Variants in XKR4 observed in about 807,000 individuals in gnomAD.
XKR4 encodes the protein XK related 4.
Under a neutral mutation model 53.9 loss-of-function variants are expected in XKR4, and 12 were observed. That is an observed-to-expected ratio of 0.22 (90% confidence interval 0.14 to 0.36). The LOEUF is 0.36. XKR4 is among the 10% of genes least tolerant of loss of function. XKR4 has a pLI of 1.00. For synonymous variants in XKR4, 354 were observed against 362.4 expected (o/e 0.98, Z 0.26); for missense variants, 799 against 859.5 (o/e 0.93, Z 0.88).
intron 1 of XKR4, among the ~76,000 whole-genome samples, chr8:55,129,128 A>G (rs1293266673): frequency 1.3e-5 from 2 of 152,224 alleles, no homozygotes; most frequent in Non-Finnish European, 2.9e-5. Context: ...AGTTTTTGAG[A>G]CAGCACGAAC....
intron 1 of XKR4, among the ~76,000 whole-genome samples, chr8:55,120,216 A>G (rs1816371932): frequency 6.6e-6 from 1 of 152,140 alleles, no homozygotes; most frequent in African/African-American, 2.4e-5. Flanking sequence ...CCATTCATTC[A>G]TGGGTTTCTT....
At chr8:55,218,593 T>G (rs1817836581) in intron 1 of XKR4, among the ~76,000 whole-genome samples, 1 of 152,188 alleles carries the variant, frequency 6.6e-6, no homozygotes, top group Non-Finnish European at 1.5e-5. Context: ...ATAGGAAGAT[T>G]TTTACATCTA....
chr8:55,346,167 C>A (rs1803637449), intron 1 of XKR4, among the ~76,000 whole-genome samples: 1 of 151,410 alleles, frequency 6.6e-6, no homozygotes, highest in East Asian at 1.9e-4. Flanking sequence ...CTCACTGCAA[C>A]CTCCACCTCC....
rs1816057098 is a variant in XKR4, at chr8:55,102,427, A to G, written c.-62A>G. 25 of 1,488,116 alleles carry G rather than the reference A, an allele frequency of 1.7e-5. No individual in the cohort carries two copies. Among genetic ancestry groups the G allele is most frequent in the Non-Finnish European group, 2.3e-5 (25 of 1,109,708 alleles). 92.2% of individuals were successfully genotyped at this position (1,488,116 alleles called of 1,614,324 possible). A position where few individuals can be genotyped will look rare whatever the true frequency, so the allele number is the denominator to read the frequency against. On this transcript the variant is annotated 5_prime_UTR_variant, in exon 1 of 3. Transcript: ENST00000327381. This position sits in a 1 kb window ranked among gnomAD's most constrained non-coding sequence, Gnocchi z 5.1. ...CGGGGCGAGGCGAGGAGGTGGCGGG[A>G]GGAGGAGACAGCGGGGAAAGGTGTC...
intron 2 of XKR4, among the ~76,000 whole-genome samples, chr8:55,495,241 G>A (rs981029940): frequency 2.0e-5 from 3 of 152,194 alleles, no homozygotes; most frequent in Non-Finnish European, 4.4e-5. Flanking sequence ...GAGAAGCCAG[G>A]CAGTGAGAGC....
At chr8:55,472,117 A>G (rs538779816) in intron 2 of XKR4, among the ~76,000 whole-genome samples, 58 of 152,276 alleles carry the variant, frequency 3.8e-4, no homozygotes, top group African/African-American at 1.3e-3. Flanking sequence ...GGGACATTCG[A>G]GTATCATGAT....
chr8:55,313,780 G>A (rs766370498), intron 1 of XKR4, among the ~76,000 whole-genome samples: 8 of 152,164 alleles, frequency 5.3e-5, no homozygotes, highest in Non-Finnish European at 1.0e-4. Flanking sequence ...ATCTTCTCAT[G>A]CTGGGGTTTT....
chr8:55,465,957 G>A (rs1442379137), intron 2 of XKR4, among the ~76,000 whole-genome samples: 5 of 152,086 alleles, frequency 3.3e-5, no homozygotes, highest in Non-Finnish European at 7.4e-5. Context: ...ACACCAGTTA[G>A]AATGGTGATC....
At chr8:55,191,004 G>A (rs1164150392) in intron 1 of XKR4, among the ~76,000 whole-genome samples, 2 of 152,160 alleles carry the variant, frequency 1.3e-5, no homozygotes, top group South Asian at 2.1e-4. Flanking sequence ...ACTAAAATGA[G>A]CCAGAACCAG....
chr8:55,209,393 C>G (rs187567668), intron 1 of XKR4, among the ~76,000 whole-genome samples: 70 of 152,326 alleles, frequency 4.6e-4, no homozygotes, highest in Admixed American at 2.7e-3. Context: ...GAGTCTCACC[C>G]TAGCTAGTGA....
At chr8:55,329,617 T>C (rs1457384329) in intron 1 of XKR4, among the ~76,000 whole-genome samples, 6 of 152,232 alleles carry the variant, frequency 3.9e-5, no homozygotes, top group Admixed American at 2.0e-4. Context: ...TCTAAATACC[T>C]AGTTCTTGTT....
intron 2 of XKR4, chr8:55,449,822 C>A: frequency 8.4e-7 from 1 of 1,188,598 alleles, no homozygotes; most frequent in East Asian, 2.3e-5. Flanking sequence ...GTACAGAGTG[C>A]CCTCGTAGGA....
In XKR4 at chr8:55,524,291, A is replaced by G; in HGVS notation, c.*64A>G. The G allele has an allele frequency of 1.4e-6, 2 of 1,475,846 alleles. No individual in the cohort carries two copies. Among genetic ancestry groups the G allele is most frequent in the Non-Finnish European group, 1.9e-6 (2 of 1,081,018 alleles). 91.4% of individuals were successfully genotyped at this position (1,475,846 alleles called of 1,614,324 possible). A position where few individuals can be genotyped will look rare whatever the true frequency, so the allele number is the denominator to read the frequency against. On this transcript the variant is annotated 3_prime_UTR_variant, in exon 3 of 3. Coordinates refer to ENST00000327381, the MANE Select transcript of XKR4 (RefSeq NM_052898.2). ...GGGGTGACAGCAGGGCTGTGGCCAT[A>G]ATGACACTTCATCCTAGAGCAGGGC... is the stretch of plus-strand genomic sequence containing the variant.
chr8:55,118,494 C>T (rs1358814923), intron 1 of XKR4, among the ~76,000 whole-genome samples: 4 of 152,176 alleles, frequency 2.6e-5, no homozygotes, highest in Non-Finnish European at 4.4e-5. Flanking sequence ...TTCAAACTGA[C>T]CTCCTAAGAC....
intron 2 of XKR4, among the ~76,000 whole-genome samples, chr8:55,488,366 C>T (rs1196722795): frequency 1.3e-5 from 2 of 152,140 alleles, no homozygotes; most frequent in East Asian, 3.8e-4. Flanking sequence ...AAAATGTAAA[C>T]TCCTACAAAA....
Position 55,102,966 on chromosome 8 carries a change from C to G in XKR4, c.478C>G (p.Gln160Glu), listed in dbSNP as rs1261876893. Reference protein sequence around the residue: ...FFVVLGSLSVQVFSFRWFVHD... With the variant: ...FFVVLGSLSVEVFSFRWFVHD... ...CGTGGTGCTCGGCTCTCTGTCGGTGCAAGTGTTCAGCTTCCGCTGGTTTGT... is the reference window on the plus strand; with the variant it reads ...CGTGGTGCTCGGCTCTCTGTCGGTGGAAGTGTTCAGCTTCCGCTGGTTTGT... Residue 160 changes from glutamine to glutamate, a missense_variant, in exon 1 of 3, where the codon CAA (glutamine) becomes GAA (glutamate). By Grantham distance (29) the Gln-to-Glu change is conservative (BLOSUM62 2). This residue lies in a region of XKR4 where 476 missense variants were observed against 505.4 expected (regional missense o/e 0.94). Coordinates refer to ENST00000327381, the MANE Select transcript of XKR4 (RefSeq NM_052898.2). This position sits in a 1 kb window ranked among gnomAD's most constrained non-coding sequence, Gnocchi z 5.1. The G allele has an allele frequency of 6.2e-7, 1 of 1,611,480 alleles. No homozygotes were observed. The highest frequency in any genetic ancestry group is 1.7e-5 in the Admixed American group (1 of 59,986).
At position 55,103,037 on chromosome 8, in the gene XKR4, C is replaced by T; in HGVS notation, c.549C>T (p.Ser183=). 1 of 1,612,646 alleles carries T rather than the reference C, an allele frequency of 6.2e-7. No homozygotes were observed. Among genetic ancestry groups the T allele is most frequent in the Non-Finnish European group, 8.5e-7 (1 of 1,179,758 alleles). The part of the protein sequence containing the change: ...TEDSATAAAA[S]SCPQPGADCK... ...ACAGCGCCACGGCCGCTGCTGCCTC[C>T]AGCTGCCCGCAGCCTGGAGCCGATT... The change falls in exon 1 of 3, where the codon TCC becomes TCT. Residue 183 remains serine, a synonymous_variant. Coordinates refer to ENST00000327381, the MANE Select transcript of XKR4 (RefSeq NM_052898.2).
intron 2 of XKR4, among the ~76,000 whole-genome samples, chr8:55,433,235 A>T (rs1183348425): frequency 6.6e-6 from 1 of 152,246 alleles, no homozygotes; most frequent in Non-Finnish European, 1.5e-5. Context: ...TTTCTTAAAT[A>T]CTAGTTAACA....
intron 1 of XKR4, among the ~76,000 whole-genome samples, chr8:55,302,119 A>G (rs562235215): frequency 6.6e-6 from 1 of 151,968 alleles, no homozygotes; most frequent in African/African-American, 2.4e-5. Flanking sequence ...TAGGGTTTTT[A>G]TGGTTTTAGG....
Sources: gnomAD v4.1 joint callset for allele counts (sites outside exome capture counted in the v4.1 genomes callset) on GRCh38, gnomAD v4.1.1 for gene constraint, gnomAD v4.1.1 regional missense constraint, Gnocchi (gnomAD v3.1) non-coding constraint, MANE v1.5 for transcripts, NCBI Gene and HGNC (gene_info 2026-07-23, HGNC 2026-07-21) for gene names.